PPID: variants seen among roughly 807,000 people sequenced by gnomAD.
The protein encoded by PPID is peptidyl-prolyl cis-trans isomerase D.
Under a neutral mutation model 48.1 loss-of-function variants are expected in PPID, and 47 were observed. The observed-to-expected ratio is 0.98, with a 90% CI of 0.77 to 1.25. PPID has a LOEUF of 1.25. Ranked by LOEUF, PPID falls within the 50% of genes most tolerant of loss-of-function variation. The pLI, the probability that PPID is intolerant of heterozygous loss-of-function variation, is 0.00. For missense variants in PPID, 429 were observed against 443.5 expected (o/e 0.97, Z 0.29); for synonymous variants, 163 against 148.8 (o/e 1.10, Z -0.69).
chr4:158,718,073 T>C (rs17843916), intron 3 of PPID, among the ~76,000 whole-genome samples: 2,245 of 152,300 alleles, frequency 0.015, 53 homozygotes, highest in African/African-American at 0.049. Context: ...AAAGCAAGAA[T>C]CATGTGTCTT....
intron 9 of PPID, 88 bp downstream of exon 9, chr4:158,710,540 T>C (rs764638797): frequency 7.1e-7 from 1 of 1,405,170 alleles, no homozygotes; most frequent in Non-Finnish European, 1.0e-6. Flanking sequence ...TGAACAAACA[T>C]CTAAAATCTG....
chr4:158,721,068 C>T (rs1286205016), intron 2 of PPID, among the ~76,000 whole-genome samples: 7 of 152,166 alleles, frequency 4.6e-5, no homozygotes, highest in Admixed American at 1.3e-4. Flanking sequence ...TGGTTGACTA[C>T]GGCCTTCCTT....
chr4:158,719,384 A>G, intron 2 of PPID, 98 bp from the exon 3 acceptor site: 1 of 755,392 alleles, frequency 1.3e-6, no homozygotes, highest in Middle Eastern at 2.4e-4. Context: ...GTAGTGCATG[A>G]CTCTAGTCAT....
chr4:158,721,431 T>C lies in PPID; in HGVS notation c.138A>G (p.Glu46=). ...LFADIVPKTA[E]NFRALCTGEK... is the part of the protein sequence containing the mutation. ...CTCCTGTACACAGTGCACGAAAATT[T>C]TCCGCAGTTTTGGGTACGATATCTG... The change falls in exon 2 of 10, where the codon GAA becomes GAG. Residue 46 remains glutamate (E), a synonymous_variant. Transcript: ENST00000307720. 1 of 1,614,136 alleles carries C rather than the reference T, an allele frequency of 6.2e-7. No homozygotes were observed. The highest frequency in any genetic ancestry group is 1.3e-5 in the African/African-American group (1 of 75,044).
Position 158,717,162 on chromosome 4 carries a change from G to A in PPID, c.372C>T (p.Gly124=), listed in dbSNP as rs747950446. The A allele has an allele frequency of 6.2e-7, 1 of 1,614,052 alleles. No homozygotes were observed. Among genetic ancestry groups the A allele is most frequent in the East Asian group, 2.2e-5 (1 of 44,874 alleles). The change falls in exon 4 of 10, where the codon GGC becomes GGT. Residue 124 remains glycine, a synonymous_variant. Transcript: ENST00000307720. ...REGLLSMANA[G]RNTNGSQFFI... ...AAAACTGAGAACCGTTTGTGTTGCG[G>A]CCTGCATTTGCCATGCTCAGTAAAC...
intron 9 of PPID, 88 bp downstream of exon 9, chr4:158,710,540 T>G: frequency 7.1e-7 from 1 of 1,405,170 alleles, no homozygotes; most frequent in South Asian, 1.2e-5. Context: ...TGAACAAACA[T>G]CTAAAATCTG....
rs1236362951 is a variant in PPID at position 158,709,602 on chromosome 4, C to G, written c.*134G>C. ...TATTAAGCATGAACCCCTATCAGTA[C>G]TCCTAAACTGTAAACAGTAAGGAAC... is the stretch of plus-strand genomic sequence containing the variant. On this transcript the variant is annotated 3_prime_UTR_variant, in exon 10 of 10. Transcript: ENST00000307720. 4.7e-6 allele frequency: 3 copies of G among 634,046 alleles called. No individual in the cohort carries two copies. The highest frequency in any genetic ancestry group is 3.7e-5 in the African/African-American group (2 of 53,924). The allele number at this position is 634,046 out of a possible 1,614,324, so 39.3% of individuals were successfully genotyped here. A position where few individuals can be genotyped will look rare whatever the true frequency, so the allele number is the denominator to read the frequency against.
At chr4:158,718,961 C>G (rs528702410) in intron 3 of PPID, among the ~76,000 whole-genome samples, 2 of 152,264 alleles carry the variant, frequency 1.3e-5, no homozygotes, top group Admixed American at 1.3e-4. Context: ...TTAACTGAAG[C>G]ATATAAAAAC....
intron 4 of PPID, among the ~76,000 whole-genome samples, chr4:158,716,311 C>A (rs1194457171): frequency 6.6e-6 from 1 of 151,992 alleles, no homozygotes; most frequent in Non-Finnish European, 1.5e-5. Context: ...GTAATTTAGA[C>A]AGGAGAAAAC....
rs1349032627 is a variant in PPID at position 158,717,034 on chromosome 4, A to C, written c.500T>G (p.Val167Gly). Residue 167 changes from valine (V) to glycine (G), a missense_variant, in exon 4 of 10, where the codon GTG (valine) becomes GGG (glycine). Val to Gly is a moderately radical substitution (Grantham distance 109). Coordinates refer to ENST00000307720, the MANE Select transcript of PPID (RefSeq NM_005038.3). ...TACTTTAGCAGGTTTTTCACCTTTC[A>C]CTTCCACATTTTCCAATATCCTTGC... ...GVARILENVE[V>G]KGEKPAKLCV... 24 of 1,613,508 alleles carry C rather than the reference A, an allele frequency of 1.5e-5. No individual in the cohort carries two copies. The highest frequency in any genetic ancestry group is 2.0e-5 in the Non-Finnish European group (24 of 1,179,654).
intron 6 of PPID, 33 bp downstream of exon 6, chr4:158,715,264 T>C: frequency 7.4e-7 from 1 of 1,351,696 alleles, no homozygotes; most frequent in Non-Finnish European, 9.8e-7. Context: ...AATTTATAAT[T>C]TCTTAAAAAT....
Position 158,721,438 on chromosome 4 carries a change from G to A in PPID, c.131C>T (p.Thr44Ile), listed in dbSNP as rs750293636. 6.2e-7 allele frequency: 1 copy of A among 1,614,128 alleles called. No individual in the cohort carries two copies. The highest frequency in any genetic ancestry group is 1.1e-5 in the South Asian group (1 of 91,088). Reference protein sequence around the residue: ...LELFADIVPKTAENFRALCTG... With the variant: ...LELFADIVPKIAENFRALCTG... ...ACACAGTGCACGAAAATTTTCCGCA[G>A]TTTTGGGTACGATATCTGCAAACAA... The change falls in exon 2 of 10, where the codon ACT (threonine) becomes ATT (isoleucine). Residue 44 changes from threonine (T) to isoleucine (I), a missense_variant. Physicochemically the swap from Thr to Ile is moderately conservative, Grantham distance 89. Coordinates refer to ENST00000307720, the MANE Select transcript of PPID (RefSeq NM_005038.3).
chr4:158,720,252 T>A (rs1774935750), intron 2 of PPID, among the ~76,000 whole-genome samples: 1 of 152,230 alleles, frequency 6.6e-6, no homozygotes, highest in South Asian at 2.1e-4. Context: ...CAGGCAGACC[T>A]TTCTAAAGAT....
At chr4:158,719,142 CTTT>C (rs747420448) in intron 3 of PPID, 35 bp downstream of exon 3, 1 of 1,366,824 alleles carries the variant, frequency 7.3e-7, no homozygotes, top group South Asian at 1.2e-5. Context: ...ATATAACAAT[CTTT>C]TTATCAGCAA....
Position 158,721,376 on chromosome 4 carries a change from G to A in PPID, c.193C>T (p.Pro65Ser). 2 of 1,614,098 alleles carry A rather than the reference G, an allele frequency of 1.2e-6. No individual in the cohort carries two copies. Among genetic ancestry groups the A allele is most frequent in the Middle Eastern group, 3.3e-4 (2 of 6,062 alleles). ...AAAGGGCATCCTTTGAAATGGAGAG[G>A]TTTCCCAGTCGTGTGTCCAATGCCT... ...EKGIGHTTGK[P>S]LHFKGCPFHR... Residue 65 changes from proline to serine, a missense_variant, in exon 2 of 10, where the codon CCT (proline) becomes TCT (serine). Coordinates refer to ENST00000307720, the MANE Select transcript of PPID (RefSeq NM_005038.3).
At chr4:158,718,673 G>GTCCAT (rs1774908857) in intron 3 of PPID, among the ~76,000 whole-genome samples, 1 of 152,032 alleles carries the variant, frequency 6.6e-6, no homozygotes, top group Non-Finnish European at 1.5e-5. Context: ...GTACTTACAT[G>GTCCAT]TCCATTCTTA....
intron 6 of PPID, among the ~76,000 whole-genome samples, chr4:158,714,092 T>C (rs12505475): frequency 0.58 from 87,911 of 152,004 alleles, 29,355 homozygotes; most frequent in East Asian, 0.86. Flanking sequence ...GGGAGGCTCT[T>C]GCAAACAGAA....
chr4:158,717,888 A>C lies in PPID; in HGVS notation c.334-688T>G, dbSNP rs17843917. On this transcript the variant is annotated intron_variant, in intron 3 of 9. Coordinates refer to ENST00000307720, the MANE Select transcript of PPID (RefSeq NM_005038.3). ...TCCTGTCAAAGGATCTATGAAACCCAATTTCTTAACCTTTTCACTTTATCT... is the reference window on the plus strand; with the variant it reads ...TCCTGTCAAAGGATCTATGAAACCCCATTTCTTAACCTTTTCACTTTATCT... Among the ~76,000 whole-genome samples the C allele has an allele frequency of 1.5e-3, 230 of 152,322 alleles. 3 individuals carry two copies. Among genetic ancestry groups the C allele is most frequent in the African/African-American group, 5.1e-3 (212 of 41,580 alleles).
intron 2 of PPID, 133 bp from the exon 3 acceptor site, chr4:158,719,419 C>T: frequency 1.6e-6 from 1 of 625,292 alleles, no homozygotes; most frequent in Non-Finnish European, 2.8e-6. Flanking sequence ...TGTCGCTCCC[C>T]ACCCGTCTCC....
Sources: gnomAD v4.1 joint callset for allele counts (sites outside exome capture counted in the v4.1 genomes callset) on GRCh38, gnomAD v4.1.1 for gene constraint, MANE v1.5 for transcripts, NCBI Gene and HGNC (gene_info 2026-07-23, HGNC 2026-07-21) for gene names.